NBEA: variants seen among roughly 807,000 people sequenced by gnomAD.
The protein encoded by NBEA is neurobeachin, also known as lysosomal-trafficking regulator 2.
In NBEA, 44 loss-of-function variants were observed where a neutral mutation model predicts 343.4. That is an observed-to-expected ratio of 0.13 (90% CI 0.10 to 0.16). The LOEUF is 0.16. Among genes scored for constraint, NBEA ranks in the 10% least tolerant of loss-of-function variants. The probability of loss-of-function intolerance (pLI) is 1.00; values close to 1 mark genes in which losing one functional copy is unlikely to be tolerated. For missense variants in NBEA, 2,555 were observed against 3,631.3 expected, an observed-to-expected ratio of 0.70 and a Z score of 7.62; for synonymous variants, 1,175 against 1,238.7, an observed-to-expected ratio of 0.95 and a Z score of 1.08.
intron 41 of NBEA, among the ~76,000 whole-genome samples, chr13:35,513,490 A>C: frequency 6.6e-6 from 1 of 151,424 alleles, no homozygotes; most frequent in East Asian, 1.9e-4. Flanking sequence ...GGAGTTCACA[A>C]ATTTGTGCCC....
At chr13:35,248,805 A>AC (rs1322321594) in intron 34 of NBEA, among the ~76,000 whole-genome samples, 1 of 152,128 alleles carries the variant, frequency 6.6e-6, no homozygotes, top group East Asian at 1.9e-4. Flanking sequence ...TGCATTAAAA[A>AC]CCTAAATGTA....
chr13:35,108,349 AT>A lies in NBEA; in HGVS notation c.1681-934del, dbSNP rs936630615. ...TGAATTATCAGCTTTTATGAAGAGC[AT>A]TTTTTTAATATTATAGCATTTTTAT... On this transcript the variant is annotated intron_variant, in intron 11 of 58. Coordinates refer to ENST00000379939, the MANE Select transcript of NBEA (RefSeq NM_001385012.1). Among the ~76,000 whole-genome samples, 61 of 152,072 alleles carry A rather than the reference AT, an allele frequency of 4.0e-4. No homozygotes were observed. The South Asian group carries it at 4.2e-3, about 10-fold the overall frequency.
At chr13:35,515,881 C>T (rs1281720546) in intron 41 of NBEA, among the ~76,000 whole-genome samples, 1 of 151,864 alleles carries the variant, frequency 6.6e-6, no homozygotes, top group Non-Finnish European at 1.5e-5. Context: ...CTCATTGGGC[C>T]AATTACTCCA....
chr13:35,261,034 C>T (rs2033163274), intron 34 of NBEA, among the ~76,000 whole-genome samples: 1 of 152,138 alleles, frequency 6.6e-6, no homozygotes, highest in South Asian at 2.1e-4. Context: ...CAGCAAAATG[C>T]AAACACTTAA....
rs547454038 is a variant in NBEA at position 35,161,670 on chromosome 13, A to G, written c.3862-80A>G. ...ATGCTAAAGCATTAAAGCATTATTC[A>G]CTTTACTATACTCACAGTTTCATTT... On this transcript the variant is annotated intron_variant, in intron 22 of 58. Coordinates refer to ENST00000379939, the MANE Select transcript of NBEA (RefSeq NM_001385012.1). 2,509 of 1,133,276 alleles carry G rather than the reference A, an allele frequency of 2.2e-3. 8 individuals are homozygous for G. Among genetic ancestry groups the G allele is most frequent in the Non-Finnish European group, 2.8e-3 (2,209 of 784,652 alleles). 70.2% of individuals were successfully genotyped at this position (1,133,276 alleles called of 1,614,324 possible). A position where few individuals can be genotyped will look rare whatever the true frequency, so the allele number is the denominator to read the frequency against.
chr13:35,113,588 T>TCTAA (rs1457986773), intron 13 of NBEA, among the ~76,000 whole-genome samples: 8 of 137,966 alleles, frequency 5.8e-5, no homozygotes, highest in Non-Finnish European at 1.6e-5. Flanking sequence ...CCTCCACTCA[T>TCTAA]CTATCTATCT....
At chr13:35,619,137 AGCTTAAAAAAG>A (rs2082868117) in intron 48 of NBEA, among the ~76,000 whole-genome samples, 1 of 151,830 alleles carries the variant, frequency 6.6e-6, no homozygotes, top group Non-Finnish European at 1.5e-5. Flanking sequence ...TAAAAACCCC[AGCTTAAAAAAG>A]AATTTTAAGC....
Position 35,452,229 on chromosome 13 carries a change from C to T in NBEA, c.6442C>T (p.Leu2148Phe), listed in dbSNP as rs958366330. Residue 2148 changes from leucine to phenylalanine, a missense_variant, in exon 40 of 59, where the codon CTT becomes TTT. Leu to Phe is a conservative substitution (Grantham distance 22). Around this residue, in one of 21 missense-constraint regions of NBEA, gnomAD observed 246 missense variants for 313.7 expected, o/e 0.78. Coordinates refer to ENST00000379939, the MANE Select transcript of NBEA (RefSeq NM_001385012.1). The part of the protein sequence containing the change: ...SLLQEKEIDN[L>F]AGPVVLSTPA... ...GCTACAGGAGAAAGAAATTGACAAC[C>T]TTGCAGGTAAATTTTAAAATATATT... 6.4e-7 allele frequency: 1 copy of T among 1,563,944 alleles called. No individual in the cohort carries two copies.
intron 45 of NBEA, among the ~76,000 whole-genome samples, chr13:35,577,272 C>T (rs1329988941): frequency 1.3e-5 from 2 of 152,126 alleles, no homozygotes; most frequent in Admixed American, 6.5e-5. Flanking sequence ...AGATCCCATG[C>T]CCACCCAGGG....
At chr13:35,153,354 C>CT (rs947275645) in intron 18 of NBEA, among the ~76,000 whole-genome samples, 4 of 151,984 alleles carry the variant, frequency 2.6e-5, no homozygotes, top group Non-Finnish European at 5.9e-5. Flanking sequence ...TAATGATAGT[C>CT]TATCATGTTT....
intron 34 of NBEA, among the ~76,000 whole-genome samples, chr13:35,288,545 A>G (rs1458019888): frequency 6.6e-6 from 1 of 151,982 alleles, no homozygotes; most frequent in Non-Finnish European, 1.5e-5. Context: ...TGAACAAAGC[A>G]TTAATGAAGC....
At position 35,118,271 on chromosome 13, in the gene NBEA, A is replaced by G. The variant is rs1233403748; in HGVS notation, c.2126A>G (p.Tyr709Cys). The G allele has an allele frequency of 1.9e-6, 3 of 1,562,148 alleles. No individual in the cohort carries two copies. Among genetic ancestry groups the G allele is most frequent in the South Asian group, 1.2e-5 (1 of 83,484 alleles). Residue 709 changes from tyrosine (Y) to cysteine (C), a missense_variant, in exon 15 of 59, where the codon TAC becomes TGC. Tyr to Cys is a radical substitution (Grantham distance 194). Around this residue, in one of 21 missense-constraint regions of NBEA, gnomAD observed 360 missense variants for 519.1 expected, o/e 0.69. Coordinates refer to ENST00000379939, the MANE Select transcript of NBEA (RefSeq NM_001385012.1). ...GATGAACTTCAGAGTATATTAAATT[A>G]CCTACTTACGATGCATGAGGTAGGA... ...KEDELQSILN[Y>C]LLTMHEDENI...
chr13:35,169,791 A>G (rs185397646), intron 25 of NBEA, among the ~76,000 whole-genome samples: 4 of 151,898 alleles, frequency 2.6e-5, no homozygotes, highest in African/African-American at 7.2e-5. Flanking sequence ...CTTATGAGCT[A>G]TGATGTCATG....
chr13:35,255,775 G>C (rs778665211), intron 34 of NBEA, among the ~76,000 whole-genome samples: 20 of 152,228 alleles, frequency 1.3e-4, no homozygotes, highest in Admixed American at 1.3e-3. Flanking sequence ...TGTGGTGAGC[G>C]GGGGTGGGAG....
intron 10 of NBEA, among the ~76,000 whole-genome samples, chr13:35,092,549 A>G (rs1313398012): frequency 1.3e-5 from 2 of 152,036 alleles, no homozygotes; most frequent in Non-Finnish European, 2.9e-5. Flanking sequence ...TTAAAAGTGG[A>G]CAAAAGAGTA....
rs145071002 is a variant in NBEA at position 35,030,050 on chromosome 13, A to G, written c.295-10883A>G. Among the ~76,000 whole-genome samples the G allele has an allele frequency of 1.5e-3, 221 of 151,822 alleles. 1 individual carries two copies. The highest frequency in any genetic ancestry group is 4.9e-3 in the African/African-American group (202 of 41,528). On this transcript the variant is annotated intron_variant, in intron 1 of 58. Coordinates refer to ENST00000379939, the MANE Select transcript of NBEA (RefSeq NM_001385012.1). Reference sequence around the variant, plus strand: ...GCATTCAGATTTGTAGGATGTCTCAACTGGTTTATCCTTCTCTTTTATATA... The same window carrying G: ...GCATTCAGATTTGTAGGATGTCTCAGCTGGTTTATCCTTCTCTTTTATATA...
chr13:35,522,475 C>CAAAAAAAAAAAAA (rs138270833), intron 41 of NBEA, among the ~76,000 whole-genome samples: 23 of 42,074 alleles, frequency 5.5e-4, no homozygotes, highest in East Asian at 1.1e-3. Flanking sequence ...ATACCATCTC[C>CAAAAAAAAAAAAA]AAAAAAAAAA....
chr13:35,157,901 T>G (rs2069286831), intron 21 of NBEA, among the ~76,000 whole-genome samples: 1 of 152,110 alleles, frequency 6.6e-6, no homozygotes, highest in Admixed American at 6.6e-5. Flanking sequence ...GTCTGTGCCA[T>G]AATTGAGTTT....
chr13:35,056,228 A>G, intron 7 of NBEA, 99 bp downstream of exon 7: 1 of 1,043,362 alleles, frequency 9.6e-7, no homozygotes, highest in Non-Finnish European at 1.2e-6. Context: ...TAGAAGCTTA[A>G]AACTTTGAAA....
Sources: gnomAD v4.1 joint callset for allele counts (sites outside exome capture counted in the v4.1 genomes callset) on GRCh38, gnomAD v4.1.1 for gene constraint, gnomAD v4.1.1 regional missense constraint, MANE v1.5 for transcripts, NCBI Gene and HGNC (gene_info 2026-07-23, HGNC 2026-07-21) for gene names.